FMNL2: variants seen among roughly 807,000 people sequenced by gnomAD.
FMNL2 encodes formin like 2.
FMNL2 carries 51 observed loss-of-function variants against 130.2 expected under a neutral mutation model. That is an observed-to-expected ratio of 0.39 (90% CI 0.31 to 0.49). The LOEUF is 0.49. Among genes scored for constraint, FMNL2 ranks in the 20% least tolerant of loss-of-function variants. FMNL2 has a pLI of 0.85. For missense variants in FMNL2, 977 were observed against 1,316.2 expected (o/e 0.74, Z 3.99); for synonymous variants, 465 against 467.1 (o/e 1.00, Z 0.06).
chr2:152,469,858 A>G (rs1404685465), intron 1 of FMNL2, among the ~76,000 whole-genome samples: 3 of 152,224 alleles, frequency 2.0e-5, no homozygotes, highest in African/African-American at 7.2e-5. Flanking sequence ...ATGCCGTCAT[A>G]GAGAAACACA....
chr2:152,341,975 G>A (rs5008216), intron 1 of FMNL2, among the ~76,000 whole-genome samples: 72,736 of 152,108 alleles, frequency 0.48, 20,247 homozygotes, highest in Non-Finnish European at 0.64. Context: ...CTCGAAAGTT[G>A]CCCTCTTTGA....
Position 152,619,558 on chromosome 2 carries a change from T to TCCCCCCCCC in FMNL2, c.1679_1680insCCCCCCCCC (p.Pro571_Pro573dup). ...CTATGCCACCGCCGCCGCCGCCCCC[T>TCCCCCCCCC]CCTCCACCTCCTCCTCCCCCACCGC... On this transcript the variant is annotated inframe_insertion, in exon 15 of 26. Transcript: ENST00000288670. 2 of 481,592 alleles carry TCCCCCCCCC rather than the reference T, an allele frequency of 4.2e-6. No homozygotes were observed. Among genetic ancestry groups the TCCCCCCCCC allele is most frequent in the South Asian group, 5.0e-5 (2 of 39,718 alleles). 29.8% of individuals were successfully genotyped at this position (481,592 alleles called of 1,614,324 possible).
intron 1 of FMNL2, among the ~76,000 whole-genome samples, chr2:152,426,633 G>GT (rs1687217256): frequency 6.6e-6 from 1 of 151,648 alleles, no homozygotes; most frequent in Non-Finnish European, 1.5e-5. Context: ...AGATACTGAT[G>GT]TTTTTTCAAA....
intron 1 of FMNL2, among the ~76,000 whole-genome samples, chr2:152,351,130 G>A (rs1316343826): frequency 6.6e-6 from 1 of 152,136 alleles, no homozygotes; most frequent in African/African-American, 2.4e-5. Flanking sequence ...AAAAATACCT[G>A]AAGTTGCCCA....
intron 1 of FMNL2, among the ~76,000 whole-genome samples, chr2:152,456,169 G>T (rs1382474920): frequency 6.6e-6 from 1 of 152,312 alleles, no homozygotes; most frequent in African/African-American, 2.4e-5. Flanking sequence ...CCCTAAAGGT[G>T]TAAATTTATT....
In FMNL2 at chr2:152,492,156, C is replaced by G. The variant is rs908348614; in HGVS notation, c.118-29787C>G. 2.0e-4 allele frequency among the ~76,000 whole-genome samples: 30 copies of G among 152,096 alleles called. 1 individual carries two copies. Among genetic ancestry groups the G allele is most frequent in the Admixed American group, 2.0e-3 (30 of 15,272 alleles). The stretch of plus-strand genomic sequence containing the variant: ...CCCTCTGATTTAGATATGGTCCTGT[C>G]TGTTGAACTCACGGTCATGGTATAA... On this transcript the variant is annotated intron_variant, in intron 1 of 25. Transcript: ENST00000288670.
chr2:152,586,795 A>C lies in FMNL2; in HGVS notation c.876+5746A>C, dbSNP rs537254353. ...TAATGTGGTGTTAGTGCTGCTGAGT[A>C]ACTTTTTTTGTCTGTTTATCAACTG... is the stretch of plus-strand genomic sequence containing the variant. On this transcript the variant is annotated intron_variant, in intron 9 of 25. Coordinates refer to ENST00000288670, the MANE Select transcript of FMNL2 (RefSeq NM_052905.4). 3.3e-5 allele frequency among the ~76,000 whole-genome samples: 5 copies of C among 152,274 alleles called. No individual in the cohort carries two copies. In the South Asian group the frequency reaches 8.3e-4, roughly 25 times the overall value.
intron 20 of FMNL2, 69 bp downstream of exon 20, chr2:152,629,974 G>A (rs1178655036): frequency 2.1e-6 from 3 of 1,398,650 alleles, no homozygotes; most frequent in African/African-American, 2.9e-5. Context: ...AAGTTAGGGT[G>A]GTGGAGGATG....
chr2:152,366,294 G>C (rs1438392460), intron 1 of FMNL2, among the ~76,000 whole-genome samples: 2 of 117,078 alleles, frequency 1.7e-5, no homozygotes, highest in African/African-American at 6.1e-5. Flanking sequence ...GTTGTGGGGT[G>C]GGGGGAGGGG....
intron 6 of FMNL2, among the ~76,000 whole-genome samples, chr2:152,564,559 TA>T (rs1462406080): frequency 6.6e-6 from 1 of 151,996 alleles, no homozygotes; most frequent in Non-Finnish European, 1.5e-5. Context: ...CTGTCTCTAC[TA>T]AAAAACAACA....
Position 152,639,035 on chromosome 2 carries a change from T to TCCACCTCACTGTTCCTC in FMNL2, c.2947-920_2947-904dup, listed in dbSNP as rs1465003082. ...CCAGCCTGTCCATCAGCGTGCTCCT[T>TCCACCTCACTGTTCCTC]CCACCTCACTGTTCCTCCCTGTGAT... On this transcript the variant is annotated intron_variant, in intron 23 of 25. Coordinates refer to ENST00000288670, the MANE Select transcript of FMNL2 (RefSeq NM_052905.4). Among the ~76,000 whole-genome samples, 5 of 110,766 alleles carry TCCACCTCACTGTTCCTC rather than the reference T, an allele frequency of 4.5e-5. No homozygotes were observed. In the East Asian group the frequency reaches 1.3e-3, roughly 29 times the overall value. 72.7% of individuals were successfully genotyped at this position (110,766 alleles called of 152,430 possible).
intron 1 of FMNL2, among the ~76,000 whole-genome samples, chr2:152,353,788 T>TTA (rs547267152): frequency 3.2e-4 from 49 of 152,350 alleles, no homozygotes; most frequent in African/African-American, 1.1e-3. Flanking sequence ...TTTGACTTTA[T>TTA]TAAAGCACTG....
chr2:152,373,761 C>T (rs769399912), intron 1 of FMNL2, among the ~76,000 whole-genome samples: 5 of 151,398 alleles, frequency 3.3e-5, no homozygotes, highest in South Asian at 2.1e-4. Context: ...TTGTTGAATC[C>T]GCAGATGTGG....
intron 1 of FMNL2, among the ~76,000 whole-genome samples, chr2:152,479,845 G>A (rs1057453154): frequency 6.6e-6 from 1 of 151,266 alleles, no homozygotes; most frequent in Non-Finnish European, 1.5e-5. Context: ...CGAGTAGCTG[G>A]CACTACAGGC....
chr2:152,429,117 A>C (rs577004319), intron 1 of FMNL2, among the ~76,000 whole-genome samples: 15 of 152,056 alleles, frequency 9.9e-5, no homozygotes, highest in African/African-American at 3.4e-4. Flanking sequence ...TCTGTGCAGC[A>C]AATCACCGTG....
intron 9 of FMNL2, among the ~76,000 whole-genome samples, chr2:152,603,894 A>T (rs570713445): frequency 4.6e-5 from 7 of 151,102 alleles, no homozygotes; most frequent in African/African-American, 1.4e-4. Flanking sequence ...ATTGGTAATC[A>T]GAAAGACTGA....
chr2:152,602,846 G>A (rs574388399), intron 9 of FMNL2, among the ~76,000 whole-genome samples: 44 of 152,098 alleles, frequency 2.9e-4, no homozygotes, highest in Non-Finnish European at 5.3e-4. Context: ...TTAGTGTCTC[G>A]TTCCTTTCAT....
At chr2:152,546,151 G>GC in intron 3 of FMNL2, among the ~76,000 whole-genome samples, 1 of 152,164 alleles carries the variant, frequency 6.6e-6, no homozygotes, top group East Asian at 1.9e-4. Flanking sequence ...GGATGACCTT[G>GC]CCCCGAGGAA....
intron 1 of FMNL2, among the ~76,000 whole-genome samples, chr2:152,376,975 A>G (rs1376187224): frequency 6.6e-6 from 1 of 152,206 alleles, no homozygotes; most frequent in Non-Finnish European, 1.5e-5. Flanking sequence ...GTTCACCTGG[A>G]AGGAGGCAGT....
Sources: allele counts gnomAD v4.1 joint callset (sites outside exome capture counted in the v4.1 genomes callset), GRCh38; gene constraint gnomAD v4.1.1; transcripts MANE v1.5; gene names NCBI Gene and HGNC (gene_info 2026-07-23, HGNC 2026-07-21).